The following GRIN2A variants were observed in gnomAD, a reference collection of about 807,000 sequenced individuals.
The protein encoded by GRIN2A is glutamate receptor ionotropic, NMDA 2A.
Under a neutral mutation model 113.4 loss-of-function variants are expected in GRIN2A, and 22 were observed. The ratio of observed to expected loss-of-function variants is 0.19; its 90% CI spans 0.14 to 0.28. The LOEUF (loss-of-function observed/expected upper bound fraction) is 0.28. Among genes scored for constraint, GRIN2A ranks in the 10% least tolerant of loss-of-function variants. GRIN2A has a pLI of 1.00. For missense variants in GRIN2A, 1,502 were observed against 1,887.0 expected, an observed-to-expected ratio of 0.80 and a Z score of 3.78; for synonymous variants, 827 against 738.4, an observed-to-expected ratio of 1.12 and a Z score of -1.94.
In GRIN2A at chr16:9,921,529, A is replaced by G. The variant is rs77771237; in HGVS notation, c.1007+16430T>C. Among the ~76,000 whole-genome samples the G allele has an allele frequency of 3.2e-3, 490 of 152,326 alleles. 1 individual carries two copies. The highest frequency in any genetic ancestry group is 0.011 in the African/African-American group (459 of 41,540). On this transcript the variant is annotated intron_variant, in intron 3 of 12. Coordinates refer to ENST00000330684, the MANE Select transcript of GRIN2A (RefSeq NM_001134407.3). ...ATCTTTTTCTCATGTGAAAATAGAA[A>G]TAACACTACTACTTATTTCACAGAG... is the stretch of plus-strand genomic sequence containing the variant.
intron 2 of GRIN2A, among the ~76,000 whole-genome samples, chr16:10,041,575 C>T (rs2047167174): frequency 6.6e-6 from 1 of 152,154 alleles, no homozygotes; most frequent in Non-Finnish European, 1.5e-5. Context: ...GCTACATGGT[C>T]TCACGGGGTC....
intron 2 of GRIN2A, among the ~76,000 whole-genome samples, chr16:10,035,663 T>A (rs1158795819): frequency 6.6e-6 from 1 of 151,288 alleles, no homozygotes; most frequent in Non-Finnish European, 1.5e-5. Context: ...CATTCCCAAG[T>A]GATGCTGATG....
rs1261709103 is a variant in GRIN2A, at chr16:10,134,948, A to G, written c.414+45050T>C. On this transcript the variant is annotated intron_variant, in intron 2 of 12. Transcript: ENST00000330684. ...CTTTCCAACGAACTAGCAAAAAAAA[A>G]CTGTTCAGCCATACCCTTTCCTAAC... 2.7e-5 allele frequency among the ~76,000 whole-genome samples: 4 copies of G among 147,732 alleles called. 1 individual carries two copies. The South Asian group carries it at 8.8e-4, about 33-fold the overall frequency.
intron 10 of GRIN2A, among the ~76,000 whole-genome samples, chr16:9,807,755 C>G (rs775224617): frequency 5.9e-5 from 9 of 152,166 alleles, no homozygotes; most frequent in African/African-American, 1.7e-4. Context: ...CGGGCTCCCC[C>G]AGTGCAAGGC....
At chr16:10,173,184 G>C (rs1223738456) in intron 2 of GRIN2A, among the ~76,000 whole-genome samples, 1 of 152,144 alleles carries the variant, frequency 6.6e-6, no homozygotes, top group African/African-American at 2.4e-5. Context: ...CTAAAGATAG[G>C]TCTCCCCACT....
chr16:10,117,734 C>T (rs2048755677), intron 2 of GRIN2A, among the ~76,000 whole-genome samples: 2 of 152,076 alleles, frequency 1.3e-5, no homozygotes, highest in African/African-American at 4.8e-5. Context: ...GGGGAGAGGG[C>T]TTAACAGAGA....
chr16:10,147,205 G>C (rs2049458254), intron 2 of GRIN2A, among the ~76,000 whole-genome samples: 1 of 152,044 alleles, frequency 6.6e-6, no homozygotes, highest in African/African-American at 2.4e-5. Context: ...CACTCTAGGA[G>C]CTTAACGAGC....
intron 2 of GRIN2A, among the ~76,000 whole-genome samples, chr16:10,125,151 A>G (rs2048909297): frequency 6.6e-6 from 1 of 152,234 alleles, no homozygotes; most frequent in Non-Finnish European, 1.5e-5. Context: ...TTACAAAACC[A>G]TAAATTTCAC....
At chr16:10,146,002 T>TCA (rs2142273478) in intron 2 of GRIN2A, among the ~76,000 whole-genome samples, 1 of 152,322 alleles carries the variant, frequency 6.6e-6, no homozygotes, top group African/African-American at 2.4e-5. Flanking sequence ...TAAATTCTTA[T>TCA]GAATTCAGTC....
chr16:10,170,772 G>A lies in GRIN2A; in HGVS notation c.414+9226C>T, dbSNP rs118190425. On this transcript the variant is annotated intron_variant, in intron 2 of 12. Transcript: ENST00000330684. Reference sequence around the variant, plus strand: ...CACGCCTGTGTTCCTAGCTACTTGGGAGGCTGAGATGAGAGGATCACCTAA... The same window carrying A: ...CACGCCTGTGTTCCTAGCTACTTGGAAGGCTGAGATGAGAGGATCACCTAA... 8.6e-3 allele frequency among the ~76,000 whole-genome samples: 1,311 copies of A among 152,112 alleles called. 9 individuals are homozygous for A. The highest frequency in any genetic ancestry group is 0.015 in the Non-Finnish European group (1,013 of 67,994).
intron 2 of GRIN2A, among the ~76,000 whole-genome samples, chr16:10,106,160 A>G (rs1467909410): frequency 1.3e-5 from 2 of 151,494 alleles, no homozygotes; most frequent in Non-Finnish European, 2.9e-5. Context: ...AATAGCCAAG[A>G]TGATGACCAT....
At chr16:9,787,190 G>A (rs1303853419) in intron 11 of GRIN2A, among the ~76,000 whole-genome samples, 1 of 151,940 alleles carries the variant, frequency 6.6e-6, no homozygotes, top group Middle Eastern at 3.2e-3. Flanking sequence ...TCCCAATCTT[G>A]AAGAGACTAT....
chr16:10,038,583 C>T (rs2047079492), intron 2 of GRIN2A, among the ~76,000 whole-genome samples: 1 of 152,008 alleles, frequency 6.6e-6, no homozygotes, highest in Admixed American at 6.5e-5. Flanking sequence ...GTGGCTCACG[C>T]CTGTAATCCC....
At chr16:9,866,246 A>G (rs749676624) in intron 4 of GRIN2A, among the ~76,000 whole-genome samples, 1 of 152,216 alleles carries the variant, frequency 6.6e-6, no homozygotes, top group Non-Finnish European at 1.5e-5. Context: ...TGAGAGGCAG[A>G]TCTGATGAGG....
chr16:9,754,103 C>T lies in GRIN2A; in HGVS notation c.*9046G>A, dbSNP rs986906947. On this transcript the variant is annotated 3_prime_UTR_variant, in exon 13 of 13. Transcript: ENST00000330684. ...TAATTTTTATGATCTAATTCTTATT[C>T]AAGCTACCAAGAAACTCACCTTATT... 1.1e-5 allele frequency: 2 copies of T among 185,008 alleles called. No homozygotes were observed. The highest frequency in any genetic ancestry group is 4.7e-5 in the African/African-American group (2 of 42,662). The allele number at this position is 185,008 out of a possible 1,614,324, so 11.5% of individuals were successfully genotyped here.
chr16:10,150,111 T>G (rs571796799), intron 2 of GRIN2A, among the ~76,000 whole-genome samples: 7 of 152,366 alleles, frequency 4.6e-5, no homozygotes, highest in African/African-American at 1.7e-4. Context: ...CCCCCTTGAT[T>G]GGCTGAAACT....
intron 2 of GRIN2A, chr16:10,171,678 C>G (rs1335846477): frequency 6.6e-6 from 1 of 152,190 alleles, no homozygotes; most frequent in Non-Finnish European, 1.5e-5. Flanking sequence ...CTTAATCACT[C>G]TTTCTGGTTA....
At chr16:10,173,597 C>T (rs1186995589) in intron 2 of GRIN2A, among the ~76,000 whole-genome samples, 1 of 152,198 alleles carries the variant, frequency 6.6e-6, no homozygotes, top group Non-Finnish European at 1.5e-5. Flanking sequence ...GAGCCAATGA[C>T]TAGATTCATT....
chr16:10,045,324 A>G lies in GRIN2A; in HGVS notation c.415-106773T>C, dbSNP rs977330427. Among the ~76,000 whole-genome samples the G allele has an allele frequency of 2.0e-5, 3 of 152,312 alleles. No homozygotes were observed. In the South Asian group the frequency reaches 6.2e-4, roughly 32 times the overall value. The stretch of plus-strand genomic sequence containing the variant: ...TCTTTCCCTAAATAGAAGCAAGGTA[A>G]ATATGTTCTTCCTTCTTATGTTTAC... On this transcript the variant is annotated intron_variant, in intron 2 of 12. Transcript: ENST00000330684.
Sources: gnomAD v4.1 joint callset for allele counts (sites outside exome capture counted in the v4.1 genomes callset) on GRCh38, gnomAD v4.1.1 for gene constraint, MANE v1.5 for transcripts, NCBI Gene and HGNC (gene_info 2026-07-23, HGNC 2026-07-21) for gene names.